KLRG1: variants seen among roughly 807,000 people sequenced by gnomAD.
KLRG1 encodes killer cell lectin-like receptor subfamily G member 1.
KLRG1 carries 16 observed loss-of-function variants against 21.8 expected under a neutral mutation model. The ratio of observed to expected loss-of-function variants is 0.73; its 90% CI spans 0.50 to 1.11. The LOEUF (loss-of-function observed/expected upper bound fraction) is 1.11. Among genes scored for constraint, KLRG1 ranks in the 50% most tolerant of loss-of-function variants. KLRG1 has a pLI of 0.00. For synonymous variants in KLRG1, 69 were observed against 75.9 expected (o/e 0.91, Z 0.47); for missense variants, 173 against 218.3 (o/e 0.79, Z 1.31).
the KLRG1 span, chr12:9,165,031 A>T: frequency 1.5e-6 from 2 of 1,355,246 alleles, no homozygotes; most frequent in Non-Finnish European, 2.1e-6. Context: ...CAGTGCTAAC[A>T]CACAATCCCT....
At chr12:9,199,922 T>C in the KLRG1 span, among the ~76,000 whole-genome samples, 1 of 152,178 alleles carries the variant, frequency 6.6e-6, no homozygotes, top group South Asian at 2.1e-4. Flanking sequence ...AAAACCAATG[T>C]GCGAACACCC....
chr12:8,988,968 AG>A (rs1946892813), upstream of KLRG1, among the ~76,000 whole-genome samples: 1 of 152,196 alleles, frequency 6.6e-6, no homozygotes, highest in African/African-American at 2.4e-5. Flanking sequence ...TCTTCTTTTT[AG>A]TTATCTTTGC....
intron 1 of KLRG1, among the ~76,000 whole-genome samples, chr12:8,978,116 A>G (rs1286413792): frequency 1.3e-5 from 2 of 152,196 alleles, no homozygotes. Flanking sequence ...TTAAAACTAT[A>G]TGTACCACTA....
chr12:9,194,720 T>C, the KLRG1 span, among the ~76,000 whole-genome samples: 2 of 152,134 alleles, frequency 1.3e-5, no homozygotes, highest in African/African-American at 4.8e-5. Flanking sequence ...CGCCTCGGCC[T>C]CCGAAAGTGC....
chr12:9,138,043 T>G, the KLRG1 span, among the ~76,000 whole-genome samples: 1 of 152,088 alleles, frequency 6.6e-6, no homozygotes, highest in African/African-American at 2.4e-5. Context: ...TGGCTAGGGC[T>G]TTGGTTCTAT....
chr12:9,137,737 C>T, the KLRG1 span, among the ~76,000 whole-genome samples: 2 of 151,874 alleles, frequency 1.3e-5, no homozygotes, highest in Non-Finnish European at 2.9e-5. Context: ...CTTTCACTTC[C>T]TTGGAAAAGT....
the KLRG1 span, among the ~76,000 whole-genome samples, chr12:9,100,756 A>G: frequency 6.6e-6 from 1 of 152,244 alleles, no homozygotes; most frequent in Admixed American, 6.5e-5. Flanking sequence ...CCAGCTCAGG[A>G]ATGGAAAACC....
the KLRG1 span, among the ~76,000 whole-genome samples, chr12:9,155,480 T>TTTG: frequency 6.8e-6 from 1 of 147,494 alleles, no homozygotes; most frequent in Non-Finnish European, 1.5e-5. Context: ...TGTTTTGTTT[T>TTTG]TTGTTGTTGT....
intron 1 of KLRG1, among the ~76,000 whole-genome samples, chr12:8,971,781 T>G (rs1026389414): frequency 2.0e-5 from 3 of 152,050 alleles, no homozygotes; most frequent in Non-Finnish European, 4.4e-5. Flanking sequence ...CTGAGCCACC[T>G]GGGAGGCTGA....
At chr12:9,151,937 T>C in the KLRG1 span, among the ~76,000 whole-genome samples, 1 of 152,150 alleles carries the variant, frequency 6.6e-6, no homozygotes. Flanking sequence ...TTAAACCATA[T>C]CCTATCTTTC....
the KLRG1 span, chr12:9,101,480 C>G: frequency 6.2e-7 from 1 of 1,613,902 alleles, no homozygotes; most frequent in South Asian, 1.1e-5. Context: ...TCAGCCCCAG[C>G]AGGGTGCCTC....
chr12:9,185,954 T>A, the KLRG1 span, among the ~76,000 whole-genome samples: 2 of 151,618 alleles, frequency 1.3e-5, no homozygotes, highest in Non-Finnish European at 2.9e-5. Context: ...ACTACAGGCG[T>A]GCACCATCAC....
chr12:8,969,906 A>G (rs891867830), intron 1 of KLRG1, among the ~76,000 whole-genome samples: 1 of 152,196 alleles, frequency 6.6e-6, no homozygotes, highest in Admixed American at 6.5e-5. Context: ...GCTTGAGCCC[A>G]GGAGTTTGAG....
chr12:9,122,240 G>T, the KLRG1 span, among the ~76,000 whole-genome samples: 1 of 152,140 alleles, frequency 6.6e-6, no homozygotes, highest in South Asian at 2.1e-4. Flanking sequence ...AATGTTACAG[G>T]ATTACTTTTC....
chr12:9,142,393 A>G, the KLRG1 span, among the ~76,000 whole-genome samples: 2 of 152,190 alleles, frequency 1.3e-5, no homozygotes, highest in Non-Finnish European at 2.9e-5. Context: ...TTGACACCTA[A>G]TAGTATTTGG....
intron 1 of KLRG1, among the ~76,000 whole-genome samples, chr12:8,962,991 G>A (rs1946405761): frequency 6.6e-6 from 1 of 152,110 alleles, no homozygotes; most frequent in Admixed American, 6.6e-5. Flanking sequence ...TATATATACT[G>A]AGCTACATTA....
the KLRG1 span, chr12:9,194,265 G>A: frequency 6.2e-7 from 1 of 1,609,626 alleles, no homozygotes; most frequent in Non-Finnish European, 8.5e-7. Flanking sequence ...CTTGATAGTT[G>A]ATGTGAACAA....
chr12:9,184,781 A>G, the KLRG1 span, among the ~76,000 whole-genome samples: 3 of 152,222 alleles, frequency 2.0e-5, no homozygotes, highest in Non-Finnish European at 2.9e-5. Context: ...GAGTTACAGC[A>G]TGCAATCCAG....
At chr12:9,163,975 G>A in the KLRG1 span, among the ~76,000 whole-genome samples, 2 of 152,062 alleles carry the variant, frequency 1.3e-5, no homozygotes, top group Non-Finnish European at 2.9e-5. Flanking sequence ...GCTTGGGTGA[G>A]AACAGTGGGA....
Sources: allele counts gnomAD v4.1 joint callset (sites outside exome capture counted in the v4.1 genomes callset), GRCh38; gene constraint gnomAD v4.1.1; transcripts MANE v1.5; gene names NCBI Gene and HGNC (gene_info 2026-07-23, HGNC 2026-07-21).